The following PHTF1 variants were observed in gnomAD, a reference collection of about 807,000 sequenced individuals.
The protein encoded by PHTF1 is putative homeodomain transcription factor 1, also known as protein PHTF1.
In PHTF1, 88 loss-of-function variants were observed where a neutral mutation model predicts 102.4. That is an observed-to-expected ratio of 0.86 (90% confidence interval 0.72 to 1.03). PHTF1 has a LOEUF of 1.03. Ranked by LOEUF, PHTF1 falls within the 50% of genes least tolerant of loss-of-function variation. The pLI, the probability that PHTF1 is intolerant of heterozygous loss-of-function variation, is 0.00. For synonymous variants in PHTF1, 289 were observed against 305.2 expected (o/e 0.95, Z 0.55); for missense variants, 814 against 909.5 (o/e 0.89, Z 1.35).
At chr1:113,749,122 G>A (rs1291718192) in intron 3 of PHTF1, among the ~76,000 whole-genome samples, 1 of 152,152 alleles carries the variant, frequency 6.6e-6, no homozygotes. Context: ...TAGATGTCCT[G>A]AAGATATCTC....
chr1:113,732,196 A>G (rs1654757481), intron 5 of PHTF1, among the ~76,000 whole-genome samples: 1 of 152,070 alleles, frequency 6.6e-6, no homozygotes, highest in Non-Finnish European at 1.5e-5. Flanking sequence ...GTGGGAAAGC[A>G]GAATAATGAA....
rs988254665 is a variant in PHTF1, at chr1:113,722,796, G to A, written c.623+1963C>T. Among the ~76,000 whole-genome samples, 4 of 150,808 alleles carry A rather than the reference G, an allele frequency of 2.7e-5. No individual in the cohort carries two copies. In the South Asian group the frequency reaches 6.3e-4, roughly 24 times the overall value. On this transcript the variant is annotated intron_variant, in intron 7 of 18. Coordinates refer to ENST00000369604, the MANE Select transcript of PHTF1 (RefSeq NM_001323043.2). Reference sequence around the variant, plus strand: ...AAATTAGCCAGGCGTGGTGGCAGGCGCCTGTAATCCCAGCTACTCGGGAGG... The same window carrying A: ...AAATTAGCCAGGCGTGGTGGCAGGCACCTGTAATCCCAGCTACTCGGGAGG...
chr1:113,704,879 A>G, intron 13 of PHTF1, 82 bp from the exon 14 acceptor site: 1 of 937,476 alleles, frequency 1.1e-6, no homozygotes, highest in Non-Finnish European at 1.6e-6. Context: ...TATTCCCAGA[A>G]TACAAAAATA....
intron 13 of PHTF1, chr1:113,705,652 A>T: frequency 2.4e-6 from 1 of 414,194 alleles, no homozygotes; most frequent in Non-Finnish European, 4.4e-6. Flanking sequence ...GGCTAGGCTC[A>T]CTCACTGGCT....
chr1:113,704,593 T>C, intron 14 of PHTF1, 73 bp downstream of exon 14: 1 of 1,107,388 alleles, frequency 9.0e-7, no homozygotes, highest in Non-Finnish European at 1.3e-6. Flanking sequence ...CACTGTCTAC[T>C]GAGTAACTGC....
chr1:113,709,097 A>C (rs1256240871), intron 11 of PHTF1, among the ~76,000 whole-genome samples: 1 of 152,050 alleles, frequency 6.6e-6, no homozygotes, highest in Non-Finnish European at 1.5e-5. Context: ...TCTACAAAAA[A>C]TTTAAAAATT....
intron 7 of PHTF1, chr1:113,713,873 G>C (rs927622286): frequency 6.7e-5 from 11 of 163,604 alleles, no homozygotes; most frequent in African/African-American, 2.4e-4. Context: ...AGGCAGTGTT[G>C]TTCACAGCCC....
Position 113,759,184 on chromosome 1 carries a change from C to T in PHTF1, c.-192G>A. ...GTTACCATGGAGACCGCGGAGGCCG[C>T]CCCAGCTTCGGAGGCAGCCGGCCGC... On this transcript the variant is annotated 5_prime_UTR_variant, in exon 1 of 19. Coordinates refer to ENST00000369604, the MANE Select transcript of PHTF1 (RefSeq NM_001323043.2). 2 of 733,266 alleles carry T rather than the reference C, an allele frequency of 2.7e-6. No homozygotes were observed. Among genetic ancestry groups the T allele is most frequent in the Non-Finnish European group, 3.3e-6 (2 of 598,714 alleles). 45.4% of individuals were successfully genotyped at this position (733,266 alleles called of 1,614,324 possible).
At chr1:113,699,602 C>T (rs985887143) in intron 17 of PHTF1, 102 bp downstream of exon 17, 9 of 694,340 alleles carry the variant, frequency 1.3e-5, no homozygotes, top group Non-Finnish European at 2.1e-5. Context: ...ACTTCCAGGA[C>T]CCCTCCCAAC....
At chr1:113,715,839 A>T (rs1007785484) in intron 7 of PHTF1, among the ~76,000 whole-genome samples, 8 of 151,328 alleles carry the variant, frequency 5.3e-5, no homozygotes, top group Non-Finnish European at 1.0e-4. Context: ...AATGCATCAG[A>T]GTCTCTTAAC....
intron 5 of PHTF1, among the ~76,000 whole-genome samples, chr1:113,737,632 T>C (rs1245219678): frequency 1.3e-5 from 2 of 152,002 alleles, no homozygotes; most frequent in Non-Finnish European, 2.9e-5. Flanking sequence ...ATCTTGTCTC[T>C]ACAAAAAAAT....
intron 3 of PHTF1, among the ~76,000 whole-genome samples, chr1:113,751,452 A>G (rs1377289375): frequency 6.6e-6 from 1 of 152,212 alleles, no homozygotes; most frequent in African/African-American, 2.4e-5. Context: ...ATAGATTTCT[A>G]GAAATTTCAT....
chr1:113,737,515 G>A (rs1425269967), intron 5 of PHTF1, among the ~76,000 whole-genome samples: 1 of 152,138 alleles, frequency 6.6e-6, no homozygotes, highest in African/African-American at 2.4e-5. Flanking sequence ...AACCTAGGGT[G>A]CAAACTTTAG....
intron 18 of PHTF1, 139 bp from the exon 19 acceptor site, chr1:113,697,864 C>T (rs1648961514): frequency 7.8e-6 from 5 of 639,396 alleles, no homozygotes; most frequent in Non-Finnish European, 1.4e-5. Flanking sequence ...AACCATAGAA[C>T]ATCATAGAGA....
chr1:113,742,827 C>G (rs1656615766), intron 3 of PHTF1, among the ~76,000 whole-genome samples: 1 of 152,108 alleles, frequency 6.6e-6, no homozygotes, highest in African/African-American at 2.4e-5. Context: ...ACCTTCCTTT[C>G]TACAATAATA....
intron 12 of PHTF1, 39 bp from the exon 13 acceptor site, chr1:113,706,201 G>C (rs773280899): frequency 6.6e-7 from 1 of 1,521,750 alleles, no homozygotes; most frequent in Non-Finnish European, 8.9e-7. Context: ...TATTGTGTTA[G>C]CTAAATGGAG....
intron 3 of PHTF1, among the ~76,000 whole-genome samples, chr1:113,751,873 T>A (rs1658138401): frequency 6.6e-6 from 1 of 152,252 alleles, no homozygotes; most frequent in Non-Finnish European, 1.5e-5. Context: ...CTCCATCACC[T>A]TGCCAACATT....
chr1:113,707,050 CTAAATGTCT>C (rs1464279386), intron 11 of PHTF1, among the ~76,000 whole-genome samples: 1 of 151,862 alleles, frequency 6.6e-6, no homozygotes, highest in Admixed American at 6.6e-5. Context: ...TAGAGAGAGA[CTAAATGTCT>C]TCTGTTATGA....
chr1:113,732,306 G>T (rs1217224975), intron 5 of PHTF1, among the ~76,000 whole-genome samples: 1 of 152,178 alleles, frequency 6.6e-6, no homozygotes, highest in Non-Finnish European at 1.5e-5. Context: ...GACCAGCATG[G>T]TCAACATGGG....
Sources: allele counts gnomAD v4.1 joint callset (sites outside exome capture counted in the v4.1 genomes callset), GRCh38; gene constraint gnomAD v4.1.1; transcripts MANE v1.5; gene names NCBI Gene and HGNC (gene_info 2026-07-23, HGNC 2026-07-21).